USH2A: variants seen among roughly 807,000 people sequenced by gnomAD.
USH2A encodes usherin, also known as Usher syndrome 2A (autosomal recessive, mild).
In USH2A, 443 loss-of-function variants were observed where a neutral mutation model predicts 538.9. The observed-to-expected ratio is 0.82, with a 90% CI of 0.76 to 0.89. USH2A has a LOEUF of 0.89. USH2A is among the 40% of genes least tolerant of loss of function. The pLI, the probability that USH2A is intolerant of heterozygous loss-of-function variation, is 0.00. For synonymous variants in USH2A, 2,413 were observed against 2,273.5 expected, an observed-to-expected ratio of 1.06 and a Z score of -1.75; for missense variants, 6,633 against 6,324.8, an observed-to-expected ratio of 1.05 and a Z score of -1.65.
At chr1:215,825,612 T>C (rs1280434144) in intron 47 of USH2A, among the ~76,000 whole-genome samples, 2 of 152,186 alleles carry the variant, frequency 1.3e-5, no homozygotes, top group Non-Finnish European at 2.9e-5. Context: ...TAAATTGTTA[T>C]GGATTAAATA....
chr1:215,787,208 A>G (rs1464643163), intron 51 of USH2A, among the ~76,000 whole-genome samples: 1 of 152,200 alleles, frequency 6.6e-6, no homozygotes, highest in Non-Finnish European at 1.5e-5. Flanking sequence ...GACTCAAATC[A>G]TATAATTTAC....
chr1:216,020,928 G>C (rs909577201), intron 32 of USH2A, among the ~76,000 whole-genome samples: 1 of 151,994 alleles, frequency 6.6e-6, no homozygotes, highest in Admixed American at 6.6e-5. Context: ...CCCTGAAGAG[G>C]GGGTTGTGGG....
At chr1:215,979,046 T>C (rs532640940) in intron 35 of USH2A, among the ~76,000 whole-genome samples, 5 of 152,274 alleles carry the variant, frequency 3.3e-5, no homozygotes, top group Admixed American at 6.5e-5. Context: ...AGAGATTTAA[T>C]GGACTCCCCA....
At chr1:216,265,511 G>A (rs2036453873) in intron 11 of USH2A, among the ~76,000 whole-genome samples, 1 of 151,942 alleles carries the variant, frequency 6.6e-6, no homozygotes, top group Non-Finnish European at 1.5e-5. Flanking sequence ...ATATCCAGAC[G>A]TTTTGAAATC....
intron 20 of USH2A, among the ~76,000 whole-genome samples, chr1:216,186,051 G>A (rs2034593649): frequency 6.6e-6 from 1 of 151,596 alleles, no homozygotes; most frequent in Admixed American, 6.6e-5. Flanking sequence ...TGAAGAATCA[G>A]ATAGTTCTAA....
chr1:215,971,480 G>T (rs746642479), intron 35 of USH2A, among the ~76,000 whole-genome samples: 2 of 152,098 alleles, frequency 1.3e-5, no homozygotes, highest in African/African-American at 4.8e-5. Flanking sequence ...AATAAGCCGG[G>T]TGTGGTGACT....
At chr1:215,957,649 C>T (rs1381458409) in intron 37 of USH2A, among the ~76,000 whole-genome samples, 1 of 152,106 alleles carries the variant, frequency 6.6e-6, no homozygotes, top group Non-Finnish European at 1.5e-5. Flanking sequence ...CACATTACGC[C>T]GTTCTACAGC....
At chr1:216,336,042 ACAG>A (rs1269112789) in intron 4 of USH2A, among the ~76,000 whole-genome samples, 19 of 151,492 alleles carry the variant, frequency 1.3e-4, no homozygotes, top group Non-Finnish European at 2.8e-4. Flanking sequence ...TGAACCAAAT[ACAG>A]TACTAACAAA....
At chr1:215,862,168 A>G (rs1664334853) in intron 44 of USH2A, among the ~76,000 whole-genome samples, 1 of 152,096 alleles carries the variant, frequency 6.6e-6, no homozygotes, top group Non-Finnish European at 1.5e-5. Context: ...TAGATTTTTA[A>G]ATTTCTATCT....
intron 11 of USH2A, among the ~76,000 whole-genome samples, chr1:216,273,133 C>A (rs1379412392): frequency 1.3e-5 from 2 of 152,096 alleles, no homozygotes; most frequent in African/African-American, 4.8e-5. Context: ...ATGGCATTAG[C>A]CCCTGTGTAG....
At chr1:215,758,546 C>T in intron 58 of USH2A, 49 bp downstream of exon 58, 1 of 1,578,914 alleles carries the variant, frequency 6.3e-7, no homozygotes. Context: ...CTAATTAATT[C>T]CTTTAAAATG....
At chr1:216,030,470 ATATAT>A (rs373669350) in intron 32 of USH2A, among the ~76,000 whole-genome samples, 1,329 of 54,150 alleles carry the variant, frequency 0.025, 62 homozygotes, top group East Asian at 0.07. Context: ...CAGACATATA[ATATAT>A]ATGATATATA....
At chr1:216,402,974 G>A (rs1299605349) in intron 3 of USH2A, among the ~76,000 whole-genome samples, 1 of 152,068 alleles carries the variant, frequency 6.6e-6, no homozygotes, top group Non-Finnish European at 1.5e-5. Context: ...GAGAAAAGAG[G>A]AAGGATCTTA....
At chr1:215,804,376 A>T (rs1181622609) in intron 49 of USH2A, among the ~76,000 whole-genome samples, 2 of 152,182 alleles carry the variant, frequency 1.3e-5, no homozygotes, top group African/African-American at 4.8e-5. Context: ...AACTTTTGCA[A>T]TCTACTCATC....
chr1:216,270,191 A>G (rs781239612), intron 11 of USH2A, among the ~76,000 whole-genome samples: 5 of 152,084 alleles, frequency 3.3e-5, no homozygotes, highest in Non-Finnish European at 5.9e-5. Flanking sequence ...GGAGAGAAGA[A>G]CTAATGTTCT....
At chr1:215,626,109 A>T (rs7529538) in intron 71 of USH2A, among the ~76,000 whole-genome samples, 50 of 151,806 alleles carry the variant, frequency 3.3e-4, no homozygotes, top group African/African-American at 6.0e-4. Flanking sequence ...TGAGGGTTAT[A>T]TTGTGTCATA....
chr1:216,337,989 T>G (rs1278534468), intron 4 of USH2A, among the ~76,000 whole-genome samples: 1 of 151,234 alleles, frequency 6.6e-6, no homozygotes, highest in Non-Finnish European at 1.5e-5. Flanking sequence ...ATTTTATTTA[T>G]AGAAATTTAC....
rs753767378 is a variant in USH2A, at chr1:215,811,981, G to GTTTT, written c.9739+1751_9739+1754dup. On this transcript the variant is annotated intron_variant, in intron 49 of 71. Coordinates refer to ENST00000307340, the MANE Select transcript of USH2A (RefSeq NM_206933.4). Reference sequence around the variant, plus strand: ...AAAACCAACCAAAAAAACCCCTAGGGTTTTTTTTTTTTTTTTTTTTTGAGA... The same window carrying GTTTT: ...AAAACCAACCAAAAAAACCCCTAGGGTTTTTTTTTTTTTTTTTTTTTTTTTGAGA... Among the ~76,000 whole-genome samples the GTTTT allele has an allele frequency of 2.6e-3, 203 of 78,786 alleles. 17 individuals are homozygous for GTTTT. In the East Asian group the frequency reaches 0.026, roughly 10 times the overall value. 51.7% of individuals were successfully genotyped at this position (78,786 alleles called of 152,430 possible).
chr1:215,764,086 A>T (rs1661060866), intron 56 of USH2A, among the ~76,000 whole-genome samples: 1 of 152,146 alleles, frequency 6.6e-6, no homozygotes, highest in African/African-American at 2.4e-5. Context: ...AAATATAAAC[A>T]TGTAGTAGAC....
Sources: allele counts gnomAD v4.1 joint callset (sites outside exome capture counted in the v4.1 genomes callset), GRCh38; gene constraint gnomAD v4.1.1; transcripts MANE v1.5; gene names NCBI Gene and HGNC (gene_info 2026-07-23, HGNC 2026-07-21).